The following LCN1 variants were observed in gnomAD, a reference collection of about 807,000 sequenced individuals.
LCN1 encodes the protein lipocalin 1.
LCN1 carries 25 observed loss-of-function variants against 22.3 expected under a neutral mutation model. That is an observed-to-expected ratio of 1.12 (90% CI 0.82 to 1.56). The LOEUF (loss-of-function observed/expected upper bound fraction) is 1.56. LCN1 is among the 40% of genes most tolerant of loss of function. LCN1 has a pLI of 0.00. For synonymous variants in LCN1, 85 were observed against 97.6 expected (o/e 0.87, Z 0.76); for missense variants, 219 against 235.6 (o/e 0.93, Z 0.46).
intron 4 of LCN1, among the ~76,000 whole-genome samples, chr9:135,524,316 TG>T: frequency 6.6e-6 from 1 of 152,148 alleles, no homozygotes; most frequent in Non-Finnish European, 1.5e-5. Flanking sequence ...CGCGTTCCTG[TG>T]GGGTGTCCAG....
intron 2 of LCN1, 32 bp from the exon 3 acceptor site, chr9:135,523,200 G>T (rs1188445941): frequency 1.2e-6 from 2 of 1,604,668 alleles, no homozygotes; most frequent in East Asian, 2.2e-5. Flanking sequence ...CACAGGCCAG[G>T]GCCGCTTTGC....
rs760177009 is a variant in LCN1 at position 135,523,939 on chromosome 9, T to C, written c.352T>C (p.Tyr118His). Residue 118 changes from tyrosine (Y) to histidine (H), a missense_variant, in exon 4 of 7, where the codon TAC becomes CAC. By Grantham distance (83) the Tyr-to-His change is moderately conservative (BLOSUM62 2). Coordinates refer to ENST00000371781, the MANE Select transcript of LCN1 (RefSeq NM_002297.4). ...RSHVKDHYIFYCEGELHGKPV... is the reference protein window; with the variant it reads ...RSHVKDHYIFHCEGELHGKPV... ...GCACGTGAAGGACCACTACATCTTT[T>C]ACTGTGAGGGCGAGCTGCACGGGAA... is the stretch of plus-strand genomic sequence containing the variant. The C allele has an allele frequency of 6.2e-7, 1 of 1,614,090 alleles. No homozygotes were observed. Among genetic ancestry groups the C allele is most frequent in the South Asian group, 1.1e-5 (1 of 91,074 alleles).
intron 2 of LCN1, 66 bp from the exon 3 acceptor site, chr9:135,523,166 T>A (rs768467468): frequency 1.3e-4 from 191 of 1,452,176 alleles, no homozygotes; most frequent in Non-Finnish European, 1.7e-4. Flanking sequence ...CATTGCAGCA[T>A]GGTTGCTCCA....
In LCN1 at chr9:135,521,692, T is replaced by A; in HGVS notation, c.90+105T>A. The A allele has an allele frequency of 2.9e-6, 3 of 1,038,224 alleles. No individual in the cohort carries two copies. In the South Asian group the frequency reaches 4.7e-5, roughly 16 times the overall value. 64.3% of individuals were successfully genotyped at this position (1,038,224 alleles called of 1,614,324 possible). On this transcript the variant is annotated intron_variant, in intron 1 of 6. Coordinates refer to ENST00000371781, the MANE Select transcript of LCN1 (RefSeq NM_002297.4). Reference sequence around the variant, plus strand: ...ATCCAAGGAGACCCTCGTTTTTGGGTTGGGCATTCAAGCCCTGCCCTGAGG... The same window carrying A: ...ATCCAAGGAGACCCTCGTTTTTGGGATGGGCATTCAAGCCCTGCCCTGAGG...
rs764017490 is a variant in LCN1, at chr9:135,524,891, C to T, written c.465C>T (p.Arg155=). 127 of 1,607,868 alleles carry T rather than the reference C, an allele frequency of 7.9e-5. No homozygotes were observed. The highest frequency in any genetic ancestry group is 1.1e-4 in the Non-Finnish European group (124 of 1,177,400). The stretch of plus-strand genomic sequence containing the variant: ...ACTTTGAGAAAGCCGCAGGAGCCCG[C>T]GGACTCAGCACGGAGAGCATCCTCA... ...LEDFEKAAGA[R]GLSTESILIP... The change falls in exon 5 of 7, where the codon CGC becomes CGT. Residue 155 remains arginine (R), a synonymous_variant. Transcript: ENST00000371781.
chr9:135,523,837 T>G, intron 3 of LCN1, 43 bp from the exon 4 acceptor site: 1 of 1,544,844 alleles, frequency 6.5e-7, no homozygotes, highest in Non-Finnish European at 8.9e-7. Flanking sequence ...CTCTCTGAAG[T>G]CCCTGGTGGC....
Position 135,521,482 on chromosome 9 carries a change from G to A in LCN1, c.-16G>A, listed in dbSNP as rs759044260. On this transcript the variant is annotated 5_prime_UTR_variant, in exon 1 of 7. Transcript: ENST00000371781. The stretch of plus-strand genomic sequence containing the variant: ...GCAAGCGACCTGTCAGGCGGCCGTG[G>A]ACTCAGACTCCGGAGATGAAGCCCC... 1.9e-6 allele frequency: 3 copies of A among 1,610,482 alleles called. No homozygotes were observed. Among genetic ancestry groups the A allele is most frequent in the Admixed American group, 1.7e-5 (1 of 59,976 alleles).
chr9:135,522,001 C>T (rs768298509), intron 1 of LCN1, 46 bp from the exon 2 acceptor site: 1 of 1,581,934 alleles, frequency 6.3e-7, no homozygotes, highest in Non-Finnish European at 8.6e-7. Flanking sequence ...AAGGGGGAGG[C>T]TCTGGAGCAG....
In LCN1 at chr9:135,523,984, C is replaced by T. The variant is rs1355923323; in HGVS notation, c.397C>T (p.Leu133Phe). The change falls in exon 4 of 7, where the codon CTC becomes TTC. Residue 133 changes from leucine (L) to phenylalanine (F), a missense_variant. Leu to Phe is a conservative substitution (Grantham distance 22). Transcript: ENST00000371781. ...CGGGAAGCCGGTCCGAGGGGTGAAG[C>T]TCGTGGGTGGGTCCCGCACCCTCAC... ...LHGKPVRGVK[L>F]VGRDPKNNLE... The T allele has an allele frequency of 3.1e-6, 5 of 1,613,358 alleles. No individual in the cohort carries two copies. The highest frequency in any genetic ancestry group is 4.2e-6 in the Non-Finnish European group (5 of 1,179,408).
At chr9:135,525,791 C>T (rs12379612) in intron 6 of LCN1, among the ~76,000 whole-genome samples, 257 of 152,032 alleles carry the variant, frequency 1.7e-3, no homozygotes, top group Non-Finnish European at 3.2e-3. Context: ...AATCTAGAGG[C>T]TGGAGCCCCC....
intron 1 of LCN1, 151 bp downstream of exon 1, chr9:135,521,738 AGG>A: frequency 2.0e-6 from 1 of 501,410 alleles, no homozygotes; most frequent in South Asian, 2.0e-5. Context: ...ATGGGGCAGC[AGG>A]GGTCTGGGCT....
At chr9:135,521,898 G>T (rs1263489161) in intron 1 of LCN1, 149 bp from the exon 2 acceptor site, 1 of 1,307,444 alleles carries the variant, frequency 7.6e-7, no homozygotes, top group East Asian at 2.5e-5. Context: ...GCCTGGCGAG[G>T]GTGCTGGGTG....
At chr9:135,525,256 T>G in intron 6 of LCN1, 98 bp downstream of exon 6, 1 of 1,215,344 alleles carries the variant, frequency 8.2e-7, no homozygotes, top group Non-Finnish European at 1.2e-6. Flanking sequence ...ATCCCACTCC[T>G]ACCTGGGTGG....
rs990045200 is a variant in LCN1 at position 135,524,074 on chromosome 9, G to T, written c.403+84G>T. 6 of 1,050,860 alleles carry T rather than the reference G, an allele frequency of 5.7e-6. No individual in the cohort carries two copies. The Admixed American group carries it at 9.7e-5, about 17-fold the overall frequency. The allele number at this position is 1,050,860 out of a possible 1,614,324, so 65.1% of individuals were successfully genotyped here. On this transcript the variant is annotated intron_variant, in intron 4 of 6. Coordinates refer to ENST00000371781, the MANE Select transcript of LCN1 (RefSeq NM_002297.4). Reference sequence around the variant, plus strand: ...GGCCTCCTGCACCCTCTTCCCCATGGGAGAAGCCACTGGGACCCAGGAACC... The same window carrying T: ...GGCCTCCTGCACCCTCTTCCCCATGTGAGAAGCCACTGGGACCCAGGAACC...
At position 135,526,338 on chromosome 9, in the gene LCN1, T is replaced by C. The variant is rs1259274305; in HGVS notation, c.*2-6T>C. ...CTGGCCTCACTCACCCTCCCCCCCTTTCCAGGGCAGGGGACACCTTGGCTC... is the reference window on the plus strand; with the variant it reads ...CTGGCCTCACTCACCCTCCCCCCCTCTCCAGGGCAGGGGACACCTTGGCTC... On this transcript the variant is annotated splice_polypyrimidine_tract_variant and splice_region_variant and intron_variant, in intron 6 of 6. Coordinates refer to ENST00000371781, the MANE Select transcript of LCN1 (RefSeq NM_002297.4). The C allele has an allele frequency of 1.7e-6, 2 of 1,177,302 alleles. No individual in the cohort carries two copies. The highest frequency in any genetic ancestry group is 7.3e-5 in the East Asian group (1 of 13,636). The allele number at this position is 1,177,302 out of a possible 1,614,324, so 72.9% of individuals were successfully genotyped here. A position where few individuals can be genotyped will look rare whatever the true frequency, so the allele number is the denominator to read the frequency against.
intron 6 of LCN1, 121 bp downstream of exon 6, chr9:135,525,279 G>T: frequency 1.0e-6 from 1 of 969,678 alleles, no homozygotes; most frequent in Non-Finnish European, 1.6e-6. Flanking sequence ...GATGCCCCAC[G>T]TAGGTCAGGC....
Position 135,525,166 on chromosome 9 carries a change from A to G in LCN1, c.*1+8A>G. 1 of 1,613,410 alleles carries G rather than the reference A, an allele frequency of 6.2e-7. No individual in the cohort carries two copies. The highest frequency in any genetic ancestry group is 8.5e-7 in the Non-Finnish European group (1 of 1,179,646). ...CTCCAGGGAGCGATTAGGGTGAGTG[A>G]ACAGCTTTAGAGGACATTTGAGAAA... On this transcript the variant is annotated splice_region_variant and intron_variant, in intron 6 of 6. Transcript: ENST00000371781.
At chr9:135,523,145 C>T (rs2118948997) in intron 2 of LCN1, 87 bp from the exon 3 acceptor site, 2 of 1,261,954 alleles carry the variant, frequency 1.6e-6, no homozygotes, top group Admixed American at 4.5e-5. Context: ...CTCGGGGCCA[C>T]ATTTGCAGGG....
chr9:135,522,982 G>T (rs527909887), intron 2 of LCN1, among the ~76,000 whole-genome samples: 4 of 152,268 alleles, frequency 2.6e-5, no homozygotes, highest in African/African-American at 9.6e-5. Context: ...TGTTGGGGGC[G>T]GGGGGTTTGG....
Sources: allele counts gnomAD v4.1 joint callset (sites outside exome capture counted in the v4.1 genomes callset), GRCh38; gene constraint gnomAD v4.1.1; transcripts MANE v1.5; gene names NCBI Gene and HGNC (gene_info 2026-07-23, HGNC 2026-07-21).